SLC24A4: variants seen among roughly 807,000 people sequenced by gnomAD.
SLC24A4 encodes solute carrier family 24 member 4, also known as sodium/potassium/calcium exchanger 4.
In SLC24A4, 53 loss-of-function variants were observed where a neutral mutation model predicts 79.0. The ratio of observed to expected loss-of-function variants is 0.67; its 90% CI spans 0.54 to 0.84. The LOEUF (loss-of-function observed/expected upper bound fraction) is 0.84, where lower values mean the gene tolerates loss of function less well. SLC24A4 is among the 40% of genes least tolerant of loss of function. The pLI is 0.00. For synonymous variants in SLC24A4, 323 were observed against 323.8 expected (o/e 1.00, Z 0.03); for missense variants, 731 against 822.0 (o/e 0.89, Z 1.35).
chr14:92,429,678 T>C (rs529830844), intron 2 of SLC24A4, among the ~76,000 whole-genome samples: 31 of 152,338 alleles, frequency 2.0e-4, no homozygotes, highest in Non-Finnish European at 4.3e-4. Context: ...TCCTGAGATG[T>C]GCATCTGCTG....
At chr14:92,375,013 G>T (rs930451081) in intron 2 of SLC24A4, among the ~76,000 whole-genome samples, 1 of 152,190 alleles carries the variant, frequency 6.6e-6, no homozygotes, top group Admixed American at 6.5e-5. Context: ...TAGAAACGAG[G>T]CTATGCCCTC....
chr14:92,345,473 G>A (rs1157986288), intron 2 of SLC24A4, among the ~76,000 whole-genome samples: 2 of 152,194 alleles, frequency 1.3e-5, no homozygotes, highest in Non-Finnish European at 2.9e-5. Flanking sequence ...GGCCAAGGCG[G>A]GCGGATCACT....
intron 2 of SLC24A4, among the ~76,000 whole-genome samples, chr14:92,367,685 TG>T: frequency 6.6e-6 from 1 of 152,326 alleles, no homozygotes; most frequent in Middle Eastern, 3.4e-3. Context: ...TGGCTCAGCA[TG>T]GCTGGTTGAT....
chr14:92,359,058 T>A (rs1370730051), intron 2 of SLC24A4, among the ~76,000 whole-genome samples: 1 of 152,126 alleles, frequency 6.6e-6, no homozygotes, highest in East Asian at 1.9e-4. Flanking sequence ...GATTCTAGGG[T>A]GATCATCTAG....
intron 2 of SLC24A4, among the ~76,000 whole-genome samples, chr14:92,431,657 A>T (rs368613593): frequency 1.4e-4 from 22 of 152,334 alleles, no homozygotes; most frequent in African/African-American, 5.1e-4. Context: ...CATAATAAGG[A>T]TGACTGATTC....
At chr14:92,407,857 T>TTGTGTGTGTGTG (rs60398538) in intron 2 of SLC24A4, among the ~76,000 whole-genome samples, 35 of 143,704 alleles carry the variant, frequency 2.4e-4, no homozygotes, top group African/African-American at 5.2e-4. Flanking sequence ...CAGAGTGATA[T>TTGTGTGTGTGTG]TGTGTGTGTG....
At chr14:92,346,042 TA>T (rs1886507863) in intron 2 of SLC24A4, among the ~76,000 whole-genome samples, 2 of 151,162 alleles carry the variant, frequency 1.3e-5, no homozygotes, top group South Asian at 4.2e-4. Context: ...AGGGGAAAGG[TA>T]AGGGAAAGGG....
intron 2 of SLC24A4, among the ~76,000 whole-genome samples, chr14:92,383,564 C>T (rs540867758): frequency 7.2e-5 from 11 of 152,278 alleles, no homozygotes; most frequent in African/African-American, 2.4e-4. Context: ...GCACTTAAAT[C>T]CCCCCTGGCT....
chr14:92,411,058 C>T (rs537226414), intron 2 of SLC24A4, among the ~76,000 whole-genome samples: 6 of 152,292 alleles, frequency 3.9e-5, no homozygotes, highest in African/African-American at 7.2e-5. Flanking sequence ...CTGACAATCA[C>T]GCCTCTGGCC....
In SLC24A4 at chr14:92,497,395, A is replaced by G. The variant is rs1161647594; in HGVS notation, c.*3767A>G. ...TCTCTCAGAGAACCCGGACTCCCCA[A>G]GCAGACTGGGATTTTGGGAAGGGTG... On this transcript the variant is annotated 3_prime_UTR_variant, in exon 17 of 17. Coordinates refer to ENST00000532405, the MANE Select transcript of SLC24A4 (RefSeq NM_153646.4). 2 of 152,274 alleles carry G rather than the reference A, an allele frequency of 1.3e-5. No individual in the cohort carries two copies. Among genetic ancestry groups the G allele is most frequent in the Admixed American group, 6.5e-5 (1 of 15,292 alleles). The allele number at this position is 152,274 out of a possible 1,614,324, so 9.4% of individuals were successfully genotyped here. A position where few individuals can be genotyped will look rare whatever the true frequency, so the allele number is the denominator to read the frequency against.
chr14:92,401,746 C>T (rs536237733), intron 2 of SLC24A4, among the ~76,000 whole-genome samples: 2 of 152,214 alleles, frequency 1.3e-5, no homozygotes, highest in African/African-American at 2.4e-5. Context: ...CTGCTGTTTC[C>T]GCAGTGCCCT....
At chr14:92,445,416 T>C (rs1483347585) in intron 8 of SLC24A4, 74 bp downstream of exon 8, 1 of 1,461,926 alleles carries the variant, frequency 6.8e-7, no homozygotes, top group Non-Finnish European at 9.4e-7. Context: ...TTGGGTTCCC[T>C]GAATCGTTTT....
intron 2 of SLC24A4, among the ~76,000 whole-genome samples, chr14:92,394,517 A>G (rs1267775067): frequency 2.6e-5 from 4 of 152,208 alleles, no homozygotes; most frequent in Admixed American, 1.3e-4. Flanking sequence ...TGAGACTGCA[A>G]TGAGCTATGG....
chr14:92,385,366 G>T (rs148968688), intron 2 of SLC24A4, among the ~76,000 whole-genome samples: 1 of 152,020 alleles, frequency 6.6e-6, no homozygotes. Flanking sequence ...TTAACTGGGC[G>T]TGTGCGTGTA....
chr14:92,446,832 A>T (rs4144267), intron 8 of SLC24A4, among the ~76,000 whole-genome samples: 1 of 152,134 alleles, frequency 6.6e-6, no homozygotes, highest in African/African-American at 2.4e-5. Context: ...AGAGGGTAGT[A>T]ATGGTTGCAT....
chr14:92,444,870 A>G (rs1294700534), intron 7 of SLC24A4, among the ~76,000 whole-genome samples: 1 of 151,740 alleles, frequency 6.6e-6, no homozygotes, highest in African/African-American at 2.4e-5. Flanking sequence ...CAAAAAAATG[A>G]TACACCCTCC....
At chr14:92,413,542 C>T (rs913605624) in intron 2 of SLC24A4, among the ~76,000 whole-genome samples, 1 of 152,230 alleles carries the variant, frequency 6.6e-6, no homozygotes, top group Non-Finnish European at 1.5e-5. Flanking sequence ...TGTCTTGTTA[C>T]AGTCACCATT....
chr14:92,493,499 G>T lies in SLC24A4; in HGVS notation c.1740G>T (p.Lys580Asn). The change falls in exon 17 of 17, where the codon AAG (lysine) becomes AAT (asparagine). Residue 580 changes from lysine (K) to asparagine (N), a missense_variant. Transcript: ENST00000532405. ...ALTVLGIHLN[K>N]WRLDRKLGVY... ...AGGTCCTCGGCATCCACCTAAACAA[G>T]TGGCGACTGGACCGGAAGCTGGGTG... The T allele has an allele frequency of 6.2e-7, 1 of 1,614,228 alleles. No homozygotes were observed. Among genetic ancestry groups the T allele is most frequent in the Non-Finnish European group, 8.5e-7 (1 of 1,180,040 alleles).
chr14:92,480,836 A>G (rs1895028144), intron 12 of SLC24A4, among the ~76,000 whole-genome samples: 1 of 152,196 alleles, frequency 6.6e-6, no homozygotes, highest in Non-Finnish European at 1.5e-5. Context: ...GTTGGAGAAC[A>G]GGAGATTATC....
Sources: gnomAD v4.1 joint callset for allele counts (sites outside exome capture counted in the v4.1 genomes callset) on GRCh38, gnomAD v4.1.1 for gene constraint, MANE v1.5 for transcripts, NCBI Gene and HGNC (gene_info 2026-07-23, HGNC 2026-07-21) for gene names.